Variants in RRP15 observed in about 807,000 individuals in gnomAD.
The protein encoded by RRP15 is RRP15-like protein.
In RRP15, 18 loss-of-function variants were observed where a neutral mutation model predicts 27.1. That is an observed-to-expected ratio of 0.66 (90% CI 0.46 to 0.98). RRP15 has a LOEUF of 0.98. RRP15 is among the 50% of genes least tolerant of loss of function. The pLI, the probability that RRP15 is intolerant of heterozygous loss-of-function variation, is 0.00. For synonymous variants in RRP15, 107 were observed against 109.4 expected (o/e 0.98, Z 0.14); for missense variants, 359 against 337.8 (o/e 1.06, Z -0.49).
intron 1 of RRP15, among the ~76,000 whole-genome samples, chr1:218,299,487 C>T (rs191526725): frequency 1.6e-4 from 24 of 152,232 alleles, no homozygotes; most frequent in Admixed American, 9.2e-4. Context: ...GTTACACCAT[C>T]AGAAAGTGTT....
rs1571800138 is a variant in RRP15 at position 218,307,638 on chromosome 1, A to C, written c.705+6A>C. 6 of 1,603,810 alleles carry C rather than the reference A, an allele frequency of 3.7e-6. No homozygotes were observed. Among genetic ancestry groups the C allele is most frequent in the Non-Finnish European group, 5.1e-6 (6 of 1,171,768 alleles). ...AGAAACCAAAAGCCAAACAGGTAAA[A>C]ACTTTTCTATAGGATTCAGTGTATC... On this transcript the variant is annotated splice_donor_region_variant and intron_variant, in intron 4 of 4. Coordinates refer to ENST00000366932, the MANE Select transcript of RRP15 (RefSeq NM_016052.4).
Position 218,326,115 on chromosome 1 carries a change from G to T in RRP15, c.706-4833G>T, listed in dbSNP as rs181283129. On this transcript the variant is annotated intron_variant, in intron 4 of 4. Transcript: ENST00000366932. ...AAGTCAGTAGTTTGAGACCAGTTTG[G>T]CCAACATGGTGAAACCCCATCTTTA... Among the ~76,000 whole-genome samples, 3 of 152,258 alleles carry T rather than the reference G, an allele frequency of 2.0e-5. No homozygotes were observed. In the East Asian group the frequency reaches 5.8e-4, roughly 29 times the overall value.
intron 1 of RRP15, among the ~76,000 whole-genome samples, chr1:218,288,628 C>T (rs1655587036): frequency 6.6e-6 from 1 of 152,176 alleles, no homozygotes. Flanking sequence ...AGCTTATGCT[C>T]TTGACCACTA....
At position 218,331,143 on chromosome 1, in the gene RRP15, G is replaced by A; in HGVS notation, c.*52G>A. 1 of 1,479,248 alleles carries A rather than the reference G, an allele frequency of 6.8e-7. No individual in the cohort carries two copies. The highest frequency in any genetic ancestry group is 1.3e-5 in the South Asian group (1 of 78,892). 91.6% of individuals were successfully genotyped at this position (1,479,248 alleles called of 1,614,324 possible). A position where few individuals can be genotyped will look rare whatever the true frequency, so the allele number is the denominator to read the frequency against. On this transcript the variant is annotated 3_prime_UTR_variant, in exon 5 of 5. Transcript: ENST00000366932. The stretch of plus-strand genomic sequence containing the variant: ...CGTTTTATTTTTTCTAGAAAAATAT[G>A]TCATCCTCTGATAGTTGGGGAATTA...
intron 4 of RRP15, among the ~76,000 whole-genome samples, chr1:218,318,141 G>C (rs1431591128): frequency 1.3e-5 from 2 of 152,038 alleles, no homozygotes; most frequent in African/African-American, 4.8e-5. Context: ...CTGTGTTTGT[G>C]TTAATAGCTA....
chr1:218,324,890 G>A (rs901112239), intron 4 of RRP15, among the ~76,000 whole-genome samples: 1 of 151,910 alleles, frequency 6.6e-6, no homozygotes, highest in Non-Finnish European at 1.5e-5. Flanking sequence ...GTTTTTTGAA[G>A]TCAAATGATC....
chr1:218,292,498 G>A (rs569225326), intron 1 of RRP15, among the ~76,000 whole-genome samples: 1 of 152,338 alleles, frequency 6.6e-6, no homozygotes, highest in African/African-American at 2.4e-5. Context: ...ACAAGGCAGA[G>A]TGTCTCCTTC....
intron 1 of RRP15, among the ~76,000 whole-genome samples, chr1:218,295,962 G>T (rs11118071): frequency 0.05 from 7,547 of 151,674 alleles, 641 homozygotes; most frequent in African/African-American, 0.17. Context: ...TCTAAATTTA[G>T]TAATTGGCAG....
At chr1:218,306,172 T>C (rs929197381) in intron 3 of RRP15, among the ~76,000 whole-genome samples, 1 of 152,146 alleles carries the variant, frequency 6.6e-6, no homozygotes, top group African/African-American at 2.4e-5. Context: ...TAAGCTAGCC[T>C]GTCAAAGTTT....
chr1:218,308,062 CTTTTTTTTTTTTTTTT>C (rs56813511), intron 4 of RRP15, among the ~76,000 whole-genome samples: 17 of 66,906 alleles, frequency 2.5e-4, no homozygotes, highest in Non-Finnish European at 3.4e-4. Context: ...TTCTTTCTTT[CTTTTTTTTTTTTTTTT>C]TTTTTTTTTT....
intron 4 of RRP15, among the ~76,000 whole-genome samples, chr1:218,312,951 A>C (rs917097731): frequency 6.6e-6 from 1 of 152,228 alleles, no homozygotes; most frequent in Non-Finnish European, 1.5e-5. Context: ...GTAGGTTGGC[A>C]TTAGATTTGA....
At chr1:218,291,720 C>T (rs946169092) in intron 1 of RRP15, among the ~76,000 whole-genome samples, 1 of 151,600 alleles carries the variant, frequency 6.6e-6, no homozygotes, top group Non-Finnish European at 1.5e-5. Flanking sequence ...TTAGTAGAGA[C>T]GGGGTTTCAA....
chr1:218,323,711 C>A (rs1374634520), intron 4 of RRP15, among the ~76,000 whole-genome samples: 2 of 152,222 alleles, frequency 1.3e-5, no homozygotes, highest in East Asian at 3.9e-4. Flanking sequence ...GCCCTTAGCC[C>A]CACCTCGGCC....
intron 1 of RRP15, among the ~76,000 whole-genome samples, chr1:218,298,537 A>T (rs752079590): frequency 6.4e-4 from 98 of 152,152 alleles, no homozygotes; most frequent in Non-Finnish European, 1.2e-3. Context: ...AAAATGGCTC[A>T]CTTTCCTGCC....
chr1:218,329,588 T>G (rs1656333833), intron 4 of RRP15, among the ~76,000 whole-genome samples: 1 of 152,278 alleles, frequency 6.6e-6, no homozygotes, highest in South Asian at 2.1e-4. Context: ...AACTGTTTTA[T>G]GTTGGTTTTT....
chr1:218,322,861 C>T (rs1656208727), intron 4 of RRP15, among the ~76,000 whole-genome samples: 1 of 152,172 alleles, frequency 6.6e-6, no homozygotes, highest in South Asian at 2.1e-4. Context: ...CTCGTGCTAC[C>T]AGCCTGGATC....
At chr1:218,316,968 A>G (rs1418009484) in intron 4 of RRP15, among the ~76,000 whole-genome samples, 1 of 152,226 alleles carries the variant, frequency 6.6e-6, no homozygotes, top group Admixed American at 6.5e-5. Context: ...TAATTCTTAG[A>G]AAATATAAAA....
At chr1:218,319,489 C>T (rs558796391) in intron 4 of RRP15, among the ~76,000 whole-genome samples, 1 of 152,266 alleles carries the variant, frequency 6.6e-6, no homozygotes, top group African/African-American at 2.4e-5. Flanking sequence ...TGTAAACTGG[C>T]TCATGTGTCC....
chr1:218,285,451 T>C lies in RRP15; in HGVS notation c.135T>C (p.Ser45=), dbSNP rs773700490. 6.8e-6 allele frequency: 11 copies of C among 1,613,622 alleles called. No individual in the cohort carries two copies. In the Admixed American group the frequency reaches 1.8e-4, roughly 27 times the overall value. The stretch of plus-strand genomic sequence containing the variant: ...ACGAGGCCACAGACACTTCTGATAG[T>C]GAAGGTAATGTGGTAGGGCTGAGCT... ...LEDEATDTSD[S]EGSCGSEKDH... is the part of the protein sequence containing the mutation. Residue 45 remains serine, a synonymous_variant, in exon 1 of 5, where the codon AGT becomes AGC. Transcript: ENST00000366932.
Sources: allele counts gnomAD v4.1 joint callset (sites outside exome capture counted in the v4.1 genomes callset), GRCh38; gene constraint gnomAD v4.1.1; transcripts MANE v1.5; gene names NCBI Gene and HGNC (gene_info 2026-07-23, HGNC 2026-07-21).